TBPL2: variants seen among roughly 807,000 people sequenced by gnomAD.
The protein encoded by TBPL2 is TATA box-binding protein-like 2.
Under a neutral mutation model 38.2 loss-of-function variants are expected in TBPL2, and 40 were observed. The ratio of observed to expected loss-of-function variants is 1.05; its 90% confidence interval spans 0.81 to 1.36. TBPL2 has a LOEUF of 1.36. TBPL2 is among the 40% of genes most tolerant of loss of function. TBPL2 has a pLI of 0.00. For synonymous variants in TBPL2, 169 were observed against 171.7 expected (o/e 0.98, Z 0.12); for missense variants, 461 against 456.7 (o/e 1.01, Z -0.09).
chr14:55,436,923 A>G lies in TBPL2; in HGVS notation c.246T>C (p.Asn82=), dbSNP rs188869736. Residue 82 remains asparagine (N), a synonymous_variant, in exon 2 of 7, where the codon AAT becomes AAC. Coordinates refer to ENST00000247219, the Ensembl canonical transcript of TBPL2. ...ATGTTTCTTTGACTTCAGGGTTCGAATTAAATGCAGTATCCGGATTGGATG... is the reference window on the plus strand; with the variant it reads ...ATGTTTCTTTGACTTCAGGGTTCGAGTTAAATGCAGTATCCGGATTGGATG... The G allele has an allele frequency of 1.6e-4, 258 of 1,614,238 alleles. No homozygotes were observed. The Admixed American group carries it at 4.2e-3, about 27-fold the overall frequency.
At chr14:55,415,612 C>G (rs980793803) in intron 6 of TBPL2, among the ~76,000 whole-genome samples, 1 of 152,006 alleles carries the variant, frequency 6.6e-6, no homozygotes, top group Admixed American at 6.6e-5. Flanking sequence ...CACCTGTAAT[C>G]CCAGCACTTT....
intron 6 of TBPL2, among the ~76,000 whole-genome samples, chr14:55,419,958 C>T (rs1160264696): frequency 6.6e-6 from 1 of 152,192 alleles, no homozygotes; most frequent in Non-Finnish European, 1.5e-5. Flanking sequence ...CCATGCTGCA[C>T]TAGGCCACAC....
intron 6 of TBPL2, among the ~76,000 whole-genome samples, chr14:55,422,735 C>G (rs548034187): frequency 6.6e-6 from 1 of 152,236 alleles, no homozygotes; most frequent in South Asian, 2.1e-4. Context: ...TGCCTGTAGT[C>G]TCAGCTACTC....
At chr14:55,436,694 G>A (rs991524139) in exon 2 of TBPL2, 2 of 1,614,234 alleles carry the variant, frequency 1.2e-6, no homozygotes, top group Non-Finnish European at 1.7e-6. Flanking sequence ...TCACCAGGGT[G>A]CAGCTGTGAA....
At chr14:55,437,534 A>C (rs1190696406) in intron 1 of TBPL2, among the ~76,000 whole-genome samples, 3 of 152,240 alleles carry the variant, frequency 2.0e-5, no homozygotes, top group Non-Finnish European at 4.4e-5. Context: ...AGAATATTTT[A>C]AAATGCAGAA....
chr14:55,435,880 A>G, exon 3 of TBPL2: 1 of 1,574,394 alleles, frequency 6.4e-7, no homozygotes, highest in Non-Finnish European at 8.6e-7. Context: ...TTGCATGCAA[A>G]GCTATTTTCT....
intron 6 of TBPL2, among the ~76,000 whole-genome samples, chr14:55,415,587 G>A (rs983432591): frequency 3.9e-5 from 6 of 152,110 alleles, no homozygotes; most frequent in Non-Finnish European, 1.5e-5. Context: ...AGTGTAGGCG[G>A]GGCGTGGTGG....
At chr14:55,433,004 A>G (rs904399736) in intron 4 of TBPL2, among the ~76,000 whole-genome samples, 3 of 152,192 alleles carry the variant, frequency 2.0e-5, no homozygotes, top group Non-Finnish European at 2.9e-5. Flanking sequence ...ACTTCCCCAG[A>G]CTTATAACAC....
chr14:55,426,994 T>G (rs1340190388), intron 5 of TBPL2, among the ~76,000 whole-genome samples: 1 of 152,228 alleles, frequency 6.6e-6, no homozygotes, highest in Non-Finnish European at 1.5e-5. Context: ...CTAAGTCTAA[T>G]GTAGACACAA....
In TBPL2 at chr14:55,428,793, T is replaced by C; in HGVS notation, c.956+14A>G. The C allele has an allele frequency of 6.2e-7, 1 of 1,611,390 alleles. No individual in the cohort carries two copies. The highest frequency in any genetic ancestry group is 8.5e-7 in the Non-Finnish European group (1 of 1,178,658). On this transcript the variant is annotated intron_variant, in intron 5 of 6. Coordinates refer to ENST00000247219, the Ensembl canonical transcript of TBPL2. ...CTTGGTAAATTCAAAGTTCAAGCTATATAACCGTCATACCTACTGAACTGC... is the reference window on the plus strand; with the variant it reads ...CTTGGTAAATTCAAAGTTCAAGCTACATAACCGTCATACCTACTGAACTGC...
At chr14:55,423,231 G>A (rs771410368) in intron 6 of TBPL2, among the ~76,000 whole-genome samples, 3 of 152,156 alleles carry the variant, frequency 2.0e-5, no homozygotes, top group Non-Finnish European at 2.9e-5. Context: ...GTTTTCTTTG[G>A]TACCATTTTG....
intron 1 of TBPL2, 77 bp downstream of exon 1, chr14:55,440,319 G>C: frequency 1.3e-6 from 2 of 1,552,770 alleles, no homozygotes; most frequent in Non-Finnish European, 1.8e-6. Flanking sequence ...AGTTTTAAGA[G>C]GAACGAAGGC....
chr14:55,427,470 A>G (rs1009516210), intron 5 of TBPL2, among the ~76,000 whole-genome samples: 3 of 152,212 alleles, frequency 2.0e-5, no homozygotes, highest in Admixed American at 6.5e-5. Flanking sequence ...AAGCACAGCA[A>G]TATGATCCCT....
exon 5 of TBPL2, chr14:55,428,932 C>T: frequency 1.9e-6 from 3 of 1,614,146 alleles, no homozygotes; most frequent in Non-Finnish European, 2.5e-6. Context: ...GCTTCTGCAC[C>T]ACACGAGCAT....
chr14:55,429,366 G>C (rs1885886010), intron 4 of TBPL2, among the ~76,000 whole-genome samples: 2 of 152,206 alleles, frequency 1.3e-5, no homozygotes, highest in African/African-American at 2.4e-5. Context: ...AGAAACTCTG[G>C]GGGTGGGGCC....
At chr14:55,435,278 AT>A (rs34700693) in intron 3 of TBPL2, among the ~76,000 whole-genome samples, 238 of 143,826 alleles carry the variant, frequency 1.7e-3, no homozygotes, top group Middle Eastern at 3.5e-3. Context: ...GTCAGGTGAA[AT>A]TTTTTTTTTT....
At chr14:55,432,245 C>A (rs77397099) in intron 4 of TBPL2, among the ~76,000 whole-genome samples, 837 of 121,472 alleles carry the variant, frequency 6.9e-3, no homozygotes, top group Middle Eastern at 0.013. Context: ...CCCGTCTCTA[C>A]AAAAAAAAAA....
chr14:55,424,340 T>C (rs1885788717), intron 5 of TBPL2, 87 bp from the exon 6 acceptor site: 5 of 791,984 alleles, frequency 6.3e-6, no homozygotes, highest in Non-Finnish European at 6.2e-6. Context: ...TTAAAGTGCA[T>C]ATTAAAGCAG....
chr14:55,437,179 T>C (rs986434472), intron 1 of TBPL2, among the ~76,000 whole-genome samples, 161 bp from the exon 2 acceptor site: 2 of 152,228 alleles, frequency 1.3e-5, no homozygotes, highest in Non-Finnish European at 1.5e-5. Flanking sequence ...GAAAATGCCA[T>C]TAAGATTCTA....
Sources: allele counts gnomAD v4.1 joint callset (sites outside exome capture counted in the v4.1 genomes callset), GRCh38; gene constraint gnomAD v4.1.1; transcripts MANE v1.5; gene names NCBI Gene and HGNC (gene_info 2026-07-23, HGNC 2026-07-21).